ABTB3: variants seen among roughly 807,000 people sequenced by gnomAD.
ABTB3 encodes ankyrin repeat- and BTB/POZ domain-containing protein 3.
the ABTB3 span, among the ~76,000 whole-genome samples, chr12:107,372,990 T>C: frequency 6.6e-6 from 1 of 152,160 alleles, no homozygotes; most frequent in Non-Finnish European, 1.5e-5. Flanking sequence ...GGCTGTCCTG[T>C]GCATGGTAGG....
the ABTB3 span, among the ~76,000 whole-genome samples, chr12:107,352,012 A>C: frequency 6.6e-6 from 1 of 152,138 alleles, no homozygotes; most frequent in Admixed American, 6.5e-5. Flanking sequence ...TAACTAATTA[A>C]TTAATTCACT....
chr12:107,375,422 A>AATCATCATCATC, the ABTB3 span, among the ~76,000 whole-genome samples: 2 of 148,268 alleles, frequency 1.3e-5, no homozygotes, highest in Admixed American at 6.7e-5. Flanking sequence ...TGGTGTCAGA[A>AATCATCATCATC]ATCATCATCA....
the ABTB3 span, among the ~76,000 whole-genome samples, chr12:107,400,493 A>G: frequency 1.2e-3 from 180 of 152,292 alleles, no homozygotes; most frequent in African/African-American, 4.2e-3. Flanking sequence ...CTGAGCAGGT[A>G]CAGTGACATT....
At chr12:107,544,522 A>G in the ABTB3 span, among the ~76,000 whole-genome samples, 275 of 152,226 alleles carry the variant, frequency 1.8e-3, no homozygotes, top group African/African-American at 6.2e-3. Context: ...GGATAACCAG[A>G]AGCACCTACT....
At chr12:107,563,992 A>G in the ABTB3 span, among the ~76,000 whole-genome samples, 3 of 152,162 alleles carry the variant, frequency 2.0e-5, no homozygotes, top group South Asian at 2.1e-4. Context: ...CAGCAATGTG[A>G]AAGGATTGAA....
At chr12:107,450,263 ATAT>A in the ABTB3 span, among the ~76,000 whole-genome samples, 2 of 152,130 alleles carry the variant, frequency 1.3e-5, no homozygotes, top group African/African-American at 4.8e-5. Context: ...CTCTGGGTTG[ATAT>A]TGTAGGGGCA....
the ABTB3 span, among the ~76,000 whole-genome samples, chr12:107,441,144 C>T: frequency 2.6e-5 from 4 of 152,216 alleles, no homozygotes; most frequent in East Asian, 1.9e-4. Flanking sequence ...CTGGGGGTCA[C>T]GTGGCCACAC....
chr12:107,472,173 G>A, the ABTB3 span, among the ~76,000 whole-genome samples: 4 of 152,190 alleles, frequency 2.6e-5, no homozygotes. Context: ...CTGCAGCAGA[G>A]GCAGGTTTAG....
the ABTB3 span, chr12:107,580,641 T>A: frequency 2.4e-6 from 1 of 410,138 alleles, no homozygotes; most frequent in Non-Finnish European, 4.3e-6. Context: ...TGGGCAGAGC[T>A]GAAGCCTGAA....
chr12:107,349,757 T>C, the ABTB3 span, among the ~76,000 whole-genome samples: 1 of 152,244 alleles, frequency 6.6e-6, no homozygotes, highest in Non-Finnish European at 1.5e-5. Flanking sequence ...TATTCAACTT[T>C]AACTGTGCAT....
chr12:107,358,871 C>T, the ABTB3 span, among the ~76,000 whole-genome samples: 6 of 152,190 alleles, frequency 3.9e-5, no homozygotes, highest in African/African-American at 1.4e-4. Flanking sequence ...GGATTACAGG[C>T]ATGAACCACT....
the ABTB3 span, among the ~76,000 whole-genome samples, chr12:107,507,597 G>A: frequency 6.6e-6 from 1 of 152,152 alleles, no homozygotes; most frequent in Non-Finnish European, 1.5e-5. Context: ...AAGCACTTGA[G>A]CCCCTCGATG....
chr12:107,504,946 A>C, the ABTB3 span, among the ~76,000 whole-genome samples: 6 of 152,198 alleles, frequency 3.9e-5, no homozygotes, highest in Admixed American at 3.9e-4. Context: ...AACACTTAGT[A>C]ATCTTTATTT....
chr12:107,334,400 G>A, the ABTB3 span, among the ~76,000 whole-genome samples: 3 of 152,124 alleles, frequency 2.0e-5, no homozygotes, highest in Non-Finnish European at 2.9e-5. Flanking sequence ...TTGGGTGTGG[G>A]GTGTGAGGGA....
the ABTB3 span, among the ~76,000 whole-genome samples, chr12:107,364,796 C>T: frequency 3.3e-5 from 5 of 152,190 alleles, no homozygotes; most frequent in South Asian, 2.1e-4. Flanking sequence ...GCATGGCATG[C>T]AGTACGTGTA....
the ABTB3 span, among the ~76,000 whole-genome samples, chr12:107,479,708 C>T: frequency 2.0e-5 from 3 of 152,092 alleles, no homozygotes; most frequent in South Asian, 4.1e-4. Context: ...TGGTGATGAT[C>T]GTGCTGAAAT....
chr12:107,576,416 C>A, the ABTB3 span, among the ~76,000 whole-genome samples: 1 of 152,184 alleles, frequency 6.6e-6, no homozygotes, highest in Non-Finnish European at 1.5e-5. Context: ...TCCTCCAAGG[C>A]CGCTCTTCTT....
the ABTB3 span, among the ~76,000 whole-genome samples, chr12:107,488,934 G>T: frequency 6.6e-6 from 1 of 152,046 alleles, no homozygotes; most frequent in Non-Finnish European, 1.5e-5. Context: ...GAGAACTTAC[G>T]AAAGAAGCAA....
At chr12:107,565,075 A>G in the ABTB3 span, among the ~76,000 whole-genome samples, 1 of 152,240 alleles carries the variant, frequency 6.6e-6, no homozygotes, top group African/African-American at 2.4e-5. Flanking sequence ...AGAGATGAGC[A>G]AAGAGGAAGA....
Sources: gnomAD v4.1 joint callset for allele counts (sites outside exome capture counted in the v4.1 genomes callset) on GRCh38, gnomAD v4.1.1 for gene constraint, MANE v1.5 for transcripts, NCBI Gene and HGNC (gene_info 2026-07-23, HGNC 2026-07-21) for gene names.